The following CACNA2D3 variants were observed in gnomAD, a reference collection of about 807,000 sequenced individuals.
CACNA2D3 encodes the protein calcium voltage-gated channel auxiliary subunit alpha2delta 3.
CACNA2D3 carries 60 observed loss-of-function variants against 160.6 expected under a neutral mutation model. The observed-to-expected ratio is 0.37, with a 90% CI of 0.30 to 0.46. The LOEUF is 0.46. CACNA2D3 is among the 20% of genes least tolerant of loss of function. CACNA2D3 has a pLI of 1.00. For missense variants in CACNA2D3, 1,205 were observed against 1,365.0 expected (o/e 0.88, Z 1.85); for synonymous variants, 558 against 492.9 (o/e 1.13, Z -1.75).
At chr3:54,642,408 T>C (rs1251149477) in intron 11 of CACNA2D3, among the ~76,000 whole-genome samples, 167 bp downstream of exon 11, 1 of 53,902 alleles carries the variant, frequency 1.9e-5, no homozygotes, top group Non-Finnish European at 1.3e-4. Flanking sequence ...CGGCTTTTCT[T>C]GTTTTCAAAA....
At chr3:54,428,363 A>AT (rs141038272) in intron 4 of CACNA2D3, among the ~76,000 whole-genome samples, 1 of 152,110 alleles carries the variant, frequency 6.6e-6, no homozygotes, top group African/African-American at 2.4e-5. Context: ...AAGGTCACCT[A>AT]TTTTTTTCTG....
chr3:54,736,059 A>G lies in CACNA2D3; in HGVS notation c.1168-16540A>G, dbSNP rs549125791. On this transcript the variant is annotated intron_variant, in intron 11 of 37. Transcript: ENST00000474759. The stretch of plus-strand genomic sequence containing the variant: ...TGTATATATATACACATACATATGT[A>G]TGTATATATATATACATATATATGT... Among the ~76,000 whole-genome samples, 282 of 45,818 alleles carry G rather than the reference A, an allele frequency of 6.2e-3. 27 individuals carry two copies. Among genetic ancestry groups the G allele is most frequent in the Non-Finnish European group, 0.012 (229 of 19,612 alleles). 30.1% of individuals were successfully genotyped at this position (45,818 alleles called of 152,430 possible).
At chr3:54,515,979 G>A (rs1701544277) in intron 5 of CACNA2D3, among the ~76,000 whole-genome samples, 2 of 152,308 alleles carry the variant, frequency 1.3e-5, no homozygotes, top group South Asian at 4.1e-4. Context: ...CCAGGGCTAA[G>A]TGGCCAAGAG....
intron 2 of CACNA2D3, among the ~76,000 whole-genome samples, chr3:54,235,573 A>G (rs1701858375): frequency 6.6e-6 from 1 of 152,164 alleles, no homozygotes; most frequent in Non-Finnish European, 1.5e-5. Context: ...CACCCCCGTG[A>G]TCCAGTCCCC....
intron 27 of CACNA2D3, among the ~76,000 whole-genome samples, chr3:54,929,363 C>T (rs544329959): frequency 2.6e-5 from 4 of 152,264 alleles, no homozygotes; most frequent in South Asian, 2.1e-4. Flanking sequence ...CAACCTGGAC[C>T]GGTCAGCAGG....
At chr3:54,640,640 A>G (rs1397048922) in intron 10 of CACNA2D3, among the ~76,000 whole-genome samples, 2 of 152,208 alleles carry the variant, frequency 1.3e-5, no homozygotes, top group Non-Finnish European at 2.9e-5. Context: ...CATGCCATAC[A>G]TGCTAACGTA....
At chr3:54,956,035 T>G (rs1189001605) in intron 27 of CACNA2D3, among the ~76,000 whole-genome samples, 1 of 152,128 alleles carries the variant, frequency 6.6e-6, no homozygotes, top group Non-Finnish European at 1.5e-5. Flanking sequence ...TACTCCAGAG[T>G]GCCGTCCGCC....
At chr3:54,545,361 C>A (rs1372087200) in intron 5 of CACNA2D3, among the ~76,000 whole-genome samples, 1 of 152,136 alleles carries the variant, frequency 6.6e-6, no homozygotes, top group Non-Finnish European at 1.5e-5. Context: ...CTGTCCTTGT[C>A]ATATATCATT....
At chr3:54,958,306 C>T (rs1253995175) in intron 27 of CACNA2D3, among the ~76,000 whole-genome samples, 1 of 152,202 alleles carries the variant, frequency 6.6e-6, no homozygotes, top group Non-Finnish European at 1.5e-5. Flanking sequence ...GGCAGGAGGA[C>T]TGCCTGAGCC....
At chr3:54,924,681 A>G in intron 27 of CACNA2D3, 2 of 1,614,088 alleles carry the variant, frequency 1.2e-6, no homozygotes, top group Non-Finnish European at 1.7e-6. Context: ...GCATTTCCAG[A>G]GGTTGTCCTT....
intron 4 of CACNA2D3, among the ~76,000 whole-genome samples, chr3:54,484,042 T>C (rs1169274409): frequency 6.6e-6 from 1 of 152,190 alleles, no homozygotes; most frequent in Non-Finnish European, 1.5e-5. Context: ...GATGGTTATG[T>C]AATCATGTTG....
At chr3:55,066,348 C>T (rs545709276) in intron 35 of CACNA2D3, among the ~76,000 whole-genome samples, 124 of 152,278 alleles carry the variant, frequency 8.1e-4, no homozygotes, top group Non-Finnish European at 1.3e-3. Flanking sequence ...GGTGAAATAC[C>T]TCAGTCTAGG....
At chr3:54,888,934 G>C (rs1044919346) in intron 24 of CACNA2D3, among the ~76,000 whole-genome samples, 4 of 152,148 alleles carry the variant, frequency 2.6e-5, no homozygotes, top group African/African-American at 9.7e-5. Flanking sequence ...GGTATATAGT[G>C]TGCTGTATTA....
At position 54,900,122 on chromosome 3, in the gene CACNA2D3, A is replaced by G. The variant is rs945617856; in HGVS notation, c.2449+254A>G. On this transcript the variant is annotated intron_variant, in intron 27 of 37. Coordinates refer to ENST00000474759, the MANE Select transcript of CACNA2D3 (RefSeq NM_018398.3). ...AACTCTGAGCCAGTAAGAAATTGTC[A>G]GTACTTGCCGAGGAGAATTTCTTGA... Among the ~76,000 whole-genome samples the G allele has an allele frequency of 6.6e-5, 10 of 152,204 alleles. 1 individual carries two copies. The highest frequency in any genetic ancestry group is 2.4e-4 in the African/African-American group (10 of 41,448).
chr3:54,845,984 C>T (rs1164813868), intron 16 of CACNA2D3, among the ~76,000 whole-genome samples: 2 of 152,152 alleles, frequency 1.3e-5, no homozygotes, highest in African/African-American at 4.8e-5. Flanking sequence ...AGAAGTGAGG[C>T]AGCGTGGGGA....
intron 9 of CACNA2D3, among the ~76,000 whole-genome samples, chr3:54,607,480 C>T (rs1698656646): frequency 6.6e-6 from 1 of 152,060 alleles, no homozygotes; most frequent in Non-Finnish European, 1.5e-5. Flanking sequence ...CCTCATATAT[C>T]CCCCGGCAAG....
chr3:54,158,639 C>T (rs149953376), intron 2 of CACNA2D3, among the ~76,000 whole-genome samples: 2 of 152,178 alleles, frequency 1.3e-5, no homozygotes, highest in Admixed American at 1.3e-4. Flanking sequence ...ATCAAGTTCC[C>T]ACATGGACTT....
chr3:54,769,846 A>G (rs1019410334), intron 13 of CACNA2D3, among the ~76,000 whole-genome samples: 1 of 152,172 alleles, frequency 6.6e-6, no homozygotes, highest in East Asian at 1.9e-4. Context: ...TTGTTTAACG[A>G]TACTCTTTAA....
At chr3:54,842,803 G>A (rs1403530427) in intron 16 of CACNA2D3, among the ~76,000 whole-genome samples, 1 of 151,384 alleles carries the variant, frequency 6.6e-6, no homozygotes, top group Admixed American at 6.6e-5. Context: ...GTTTCACCAT[G>A]TTCACCAGGC....
Sources: allele counts gnomAD v4.1 joint callset (sites outside exome capture counted in the v4.1 genomes callset), GRCh38; gene constraint gnomAD v4.1.1; transcripts MANE v1.5; gene names NCBI Gene and HGNC (gene_info 2026-07-23, HGNC 2026-07-21).